The following NTNG2 variants were observed in gnomAD, a reference collection of about 807,000 sequenced individuals.
NTNG2 encodes the protein netrin G2, also known as netrin-G2.
Under a neutral mutation model 47.6 loss-of-function variants are expected in NTNG2, and 15 were observed. That is an observed-to-expected ratio of 0.32 (90% CI 0.21 to 0.49). The LOEUF (loss-of-function observed/expected upper bound fraction) is 0.49. Among genes scored for constraint, NTNG2 ranks in the 20% least tolerant of loss-of-function variants. NTNG2 has a pLI of 0.99. For missense variants in NTNG2, 578 were observed against 764.6 expected, an observed-to-expected ratio of 0.76 and a Z score of 2.88; for synonymous variants, 307 against 324.6, an observed-to-expected ratio of 0.95 and a Z score of 0.58.
At chr9:132,189,607 C>T (rs368056950) in intron 2 of NTNG2, among the ~76,000 whole-genome samples, 4 of 151,868 alleles carry the variant, frequency 2.6e-5, no homozygotes, top group African/African-American at 7.3e-5. Flanking sequence ...AGTAACCTTC[C>T]GCTTCTGTGG....
intron 3 of NTNG2, among the ~76,000 whole-genome samples, chr9:132,206,125 A>G (rs1839149847): frequency 6.6e-6 from 1 of 152,152 alleles, no homozygotes; most frequent in Non-Finnish European, 1.5e-5. Context: ...TGTCAGGGAT[A>G]CAGAGAAAGA....
chr9:132,242,381 C>T lies in NTNG2; in HGVS notation c.*270C>T, dbSNP rs1191701041. The T allele has an allele frequency of 6.4e-6, 1 of 156,722 alleles. No individual in the cohort carries two copies. Among genetic ancestry groups the T allele is most frequent in the Non-Finnish European group, 1.4e-5 (1 of 73,808 alleles). The allele number at this position is 156,722 out of a possible 1,614,324, so 9.7% of individuals were successfully genotyped here. A position where few individuals can be genotyped will look rare whatever the true frequency, so the allele number is the denominator to read the frequency against. ...CGCCCAGTTCCTTTTTTGTCTTTCTCTCTCTCTCTTTTTTTTTTTTTTTTT... is the reference window on the plus strand; with the variant it reads ...CGCCCAGTTCCTTTTTTGTCTTTCTTTCTCTCTCTTTTTTTTTTTTTTTTT... On this transcript the variant is annotated 3_prime_UTR_variant, in exon 8 of 8. Coordinates refer to ENST00000393229, the MANE Select transcript of NTNG2 (RefSeq NM_032536.4). The surrounding 1 kb of genome is among the most constrained non-coding windows in gnomAD (Gnocchi z 5.9).
At chr9:132,196,738 GT>G (rs1838339972) in intron 2 of NTNG2, among the ~76,000 whole-genome samples, 1 of 152,192 alleles carries the variant, frequency 6.6e-6, no homozygotes, top group Non-Finnish European at 1.5e-5. Flanking sequence ...ACCACTGGGT[GT>G]CCGATGATTC....
chr9:132,197,019 G>GA lies in NTNG2; in HGVS notation c.214-947_214-946insA, dbSNP rs1328805574. Among the ~76,000 whole-genome samples, 5 of 152,168 alleles carry GA rather than the reference G, an allele frequency of 3.3e-5. No homozygotes were observed. Among genetic ancestry groups the GA allele is most frequent in the African/African-American group, 4.8e-5 (2 of 41,436 alleles). ...AGATAGAAGAGACTCACAGAGTAAG[G>GA]GATCGGGGAGAGACCCAGAGCTTCC... On this transcript the variant is annotated intron_variant, in intron 2 of 7. Coordinates refer to ENST00000393229, the MANE Select transcript of NTNG2 (RefSeq NM_032536.4). The surrounding 1 kb of genome is among the most constrained non-coding windows in gnomAD (Gnocchi z 4.3).
At position 132,162,144 on chromosome 9, in the gene NTNG2, C is replaced by A. The variant is rs568223689; in HGVS notation, c.-579C>A. On this transcript the variant is annotated 5_prime_UTR_variant, in exon 1 of 8. Transcript: ENST00000393229. This position sits in a 1 kb window ranked among gnomAD's most constrained non-coding sequence, Gnocchi z 4.6. Reference sequence around the variant, plus strand: ...GCTCGCAGCCCTCGGCCCGCGCCCCCACCCAGCGCCAGCCCGAGGGGGGAG... The same window carrying A: ...GCTCGCAGCCCTCGGCCCGCGCCCCAACCCAGCGCCAGCCCGAGGGGGGAG... 6 of 152,092 alleles carry A rather than the reference C, an allele frequency of 3.9e-5. No individual in the cohort carries two copies. Among genetic ancestry groups the A allele is most frequent in the Non-Finnish European group, 5.9e-5 (4 of 67,600 alleles). 9.4% of individuals were successfully genotyped at this position (152,092 alleles called of 1,614,324 possible). A position where few individuals can be genotyped will look rare whatever the true frequency, so the allele number is the denominator to read the frequency against.
intron 1 of NTNG2, among the ~76,000 whole-genome samples, chr9:132,164,064 T>A (rs969132379): frequency 2.0e-5 from 3 of 152,136 alleles, no homozygotes; most frequent in African/African-American, 7.2e-5. Flanking sequence ...GACTCCTGCC[T>A]CTCTTCCCCC....
intron 5 of NTNG2, among the ~76,000 whole-genome samples, chr9:132,237,898 C>T (rs1564447260): frequency 6.6e-6 from 1 of 152,212 alleles, no homozygotes; most frequent in Non-Finnish European, 1.5e-5. Context: ...CTCATCTCCT[C>T]ATTATCTCTG....
intron 3 of NTNG2, among the ~76,000 whole-genome samples, chr9:132,211,282 G>T (rs1167262855): frequency 6.6e-6 from 1 of 152,164 alleles, no homozygotes; most frequent in Admixed American, 6.5e-5. Flanking sequence ...AGGTCCCAAG[G>T]TGGACCCCCT....
rs564587950 is a variant in NTNG2 at position 132,182,043 on chromosome 9, G to A, written c.213+14999G>A. ...AGCCTCTCCTCCCCCAGCACACCCC[G>A]GCAGCCCAGAGAAGGGAGGGCCCGG... On this transcript the variant is annotated intron_variant, in intron 2 of 7. Coordinates refer to ENST00000393229, the MANE Select transcript of NTNG2 (RefSeq NM_032536.4). The surrounding 1 kb of genome is among the most constrained non-coding windows in gnomAD (Gnocchi z 4.2). 7.2e-5 allele frequency among the ~76,000 whole-genome samples: 11 copies of A among 152,346 alleles called. No individual in the cohort carries two copies. The highest frequency in any genetic ancestry group is 1.2e-4 in the African/African-American group (5 of 41,578).
chr9:132,189,422 ATCATC>A (rs1837690563), intron 2 of NTNG2, among the ~76,000 whole-genome samples: 1 of 151,398 alleles, frequency 6.6e-6, no homozygotes, highest in Non-Finnish European at 1.5e-5. Flanking sequence ...AAAAAAAGGT[ATCATC>A]TCCTGGTGAT....
At chr9:132,241,495 G>C in intron 7 of NTNG2, 1 of 335,070 alleles carries the variant, frequency 3.0e-6, no homozygotes, top group South Asian at 3.7e-5. Context: ...AGCTGGGGTT[G>C]GTTGGAAAGG....
intron 3 of NTNG2, among the ~76,000 whole-genome samples, chr9:132,207,731 G>A (rs764250771): frequency 6.6e-6 from 1 of 152,178 alleles, no homozygotes; most frequent in Non-Finnish European, 1.5e-5. Flanking sequence ...AGCATGGAGG[G>A]GCTGACGCTC....
chr9:132,166,974 A>G lies in NTNG2; in HGVS notation c.143A>G (p.Asp48Gly). 3 of 1,614,244 alleles carry G rather than the reference A, an allele frequency of 1.9e-6. No individual in the cohort carries two copies. Among genetic ancestry groups the G allele is most frequent in the Non-Finnish European group, 2.5e-6 (3 of 1,180,040 alleles). The change falls in exon 2 of 8, where the codon GAC (aspartate) becomes GGC (glycine). Residue 48 changes from aspartate (D) to glycine (G), a missense_variant. By Grantham distance (94) the Asp-to-Gly change is moderately conservative. Coordinates refer to ENST00000393229, the MANE Select transcript of NTNG2 (RefSeq NM_032536.4). The stretch of plus-strand genomic sequence containing the variant: ...CAGCCCAAGGTGATGCGCCTGAAGG[A>G]CTACGTCAAGGTGAAGGTGGAGCCC... ...ACQPKVMRLK[D>G]YVKVKVEPSG...
At chr9:132,209,132 C>A (rs572696084) in intron 3 of NTNG2, among the ~76,000 whole-genome samples, 17 of 152,352 alleles carry the variant, frequency 1.1e-4, no homozygotes, top group African/African-American at 3.4e-4. Flanking sequence ...ATGAGTAGAG[C>A]TGCTATAAAC....
At chr9:132,203,745 A>G (rs1838960351) in intron 3 of NTNG2, among the ~76,000 whole-genome samples, 1 of 152,162 alleles carries the variant, frequency 6.6e-6, no homozygotes, top group Admixed American at 6.5e-5. Flanking sequence ...AACACACTGG[A>G]GCCAGGGCAG....
At chr9:132,225,814 G>C (rs1002360236) in intron 3 of NTNG2, among the ~76,000 whole-genome samples, 1 of 152,078 alleles carries the variant, frequency 6.6e-6, no homozygotes, top group South Asian at 2.1e-4. Context: ...TCCTTTTTCC[G>C]TATCAATTTT....
intron 2 of NTNG2, among the ~76,000 whole-genome samples, chr9:132,194,980 C>G (rs1287134050): frequency 6.6e-6 from 1 of 152,258 alleles, no homozygotes; most frequent in South Asian, 2.1e-4. Context: ...GAGGTTTTAA[C>G]TTAGATCCAA....
In NTNG2 at chr9:132,226,889, G is replaced by C. The variant is rs753771242; in HGVS notation, c.898G>C (p.Glu300Gln). ...NLHANLCSMR[E>Q]GSLQCECEHN... ...GCACGCCAACCTGTGCTCCATGCGCGAGGGCAGCCTGCAGTGCGAGTGCGA... is the reference window on the plus strand; with the variant it reads ...GCACGCCAACCTGTGCTCCATGCGCCAGGGCAGCCTGCAGTGCGAGTGCGA... The change falls in exon 4 of 8, where the codon GAG becomes CAG. Residue 300 changes from glutamate (E) to glutamine (Q), a missense_variant. Glu to Gln is a conservative substitution (Grantham distance 29). Coordinates refer to ENST00000393229, the MANE Select transcript of NTNG2 (RefSeq NM_032536.4). This position sits in a 1 kb window ranked among gnomAD's most constrained non-coding sequence, Gnocchi z 4.8. The C allele has an allele frequency of 4.3e-6, 7 of 1,611,810 alleles. No homozygotes were observed. Among genetic ancestry groups the C allele is most frequent in the Admixed American group, 1.7e-5 (1 of 59,844 alleles).
chr9:132,178,156 G>C (rs1184972287), intron 2 of NTNG2, among the ~76,000 whole-genome samples: 1 of 152,184 alleles, frequency 6.6e-6, no homozygotes, highest in East Asian at 1.9e-4. Flanking sequence ...AGTGAGGCCT[G>C]AGGAGGGGAA....
Sources: allele counts gnomAD v4.1 joint callset (sites outside exome capture counted in the v4.1 genomes callset), GRCh38; gene constraint gnomAD v4.1.1; non-coding constraint Gnocchi (gnomAD v3.1); transcripts MANE v1.5; gene names NCBI Gene and HGNC (gene_info 2026-07-23, HGNC 2026-07-21).